The following RRM2 variants were observed in gnomAD, a reference collection of about 807,000 sequenced individuals.
The protein encoded by RRM2 is ribonucleoside-diphosphate reductase subunit M2.
Under a neutral mutation model 45.9 loss-of-function variants are expected in RRM2, and 6 were observed. The ratio of observed to expected loss-of-function variants is 0.13; its 90% CI spans 0.07 to 0.26. RRM2 has a LOEUF of 0.26. Ranked by LOEUF, RRM2 falls within the 10% of genes least tolerant of loss-of-function variation. RRM2 has a pLI of 1.00. For missense variants in RRM2, 343 were observed against 489.5 expected (o/e 0.70, Z 2.82); for synonymous variants, 177 against 173.0 (o/e 1.02, Z -0.18).
intron 3 of RRM2, among the ~76,000 whole-genome samples, chr2:10,175,361 T>C (rs1663894179): frequency 6.6e-6 from 1 of 152,228 alleles, no homozygotes; most frequent in Non-Finnish European, 1.5e-5. Context: ...TCCCCTATTT[T>C]AAAAATTGTG....
chr2:10,155,353 TTCTC>T (rs1663401761), intron 3 of RRM2: 1 of 172,330 alleles, frequency 5.8e-6, no homozygotes. Context: ...CCTCTGGGTT[TTCTC>T]TCTATGCCCT....
intron 3 of RRM2, 93 bp from the exon 4 acceptor site, chr2:10,123,643 G>A (rs1204181079): frequency 7.0e-7 from 1 of 1,430,930 alleles, no homozygotes; most frequent in East Asian, 2.3e-5. Flanking sequence ...ATAGTAAGTG[G>A]TGCCAGCATA....
intron 3 of RRM2, among the ~76,000 whole-genome samples, chr2:10,162,343 T>A (rs975336173): frequency 1.3e-5 from 2 of 152,146 alleles, no homozygotes; most frequent in Non-Finnish European, 2.9e-5. Flanking sequence ...TCTCGATGTG[T>A]GTGGGCGTGT....
At position 10,129,344 on chromosome 2, in the gene RRM2, A is replaced by C. The variant is rs1453185920; in HGVS notation, c.1128A>C (p.Ser376=). The C allele has an allele frequency of 6.2e-7, 1 of 1,614,012 alleles. No homozygotes were observed. Among genetic ancestry groups the C allele is most frequent in the South Asian group, 1.1e-5 (1 of 90,986 alleles). Residue 376 remains serine, a synonymous_variant, in exon 10 of 10, where the codon TCA becomes TCC. Coordinates refer to ENST00000304567, the MANE Select transcript of RRM2 (RefSeq NM_001034.4). The surrounding 1 kb of genome is among the most constrained non-coding windows in gnomAD (Gnocchi z 4.8). ...AGTATCAGAGGATGGGAGTGATGTC[A>C]AGTCCAACAGAGAATTCTTTTACCT... ...VGEYQRMGVM[S]SPTENSFTLD... is the part of the protein sequence containing the mutation.
Position 10,166,034 on chromosome 2 carries a change from G to A in RRM2, n.482+23659G>A, listed in dbSNP as rs549315988. ...CCCGGAGGGGAGCACAGCAGCTGCT[G>A]GTGACAGCTTGCTGGGTCGTCACAG... On this transcript the variant is annotated intron_variant and non_coding_transcript_variant, in intron 3 of 3. Coordinates refer to the RRM2 transcript ENST00000381786. Among the ~76,000 whole-genome samples, 8 of 152,330 alleles carry A rather than the reference G, an allele frequency of 5.3e-5. No homozygotes were observed. In the South Asian group the frequency reaches 1.0e-3, roughly 20 times the overall value.
At position 10,123,026 on chromosome 2, in the gene RRM2, C is replaced by T. The variant is rs928055151; in HGVS notation, c.143C>T (p.Ala48Val). 6.4e-7 allele frequency: 1 copy of T among 1,566,936 alleles called. No individual in the cohort carries two copies. Among genetic ancestry groups the T allele is most frequent in the Non-Finnish European group, 8.6e-7 (1 of 1,163,522 alleles). Residue 48 changes from alanine (A) to valine (V), a missense_variant, in exon 2 of 10, where the codon GCG becomes GTG. Transcript: ENST00000304567. ...SGTRVLASKT[A>V]RRIFQEPTEP... The stretch of plus-strand genomic sequence containing the variant: ...ACCCGCGTCCTGGCCAGCAAGACCG[C>T]GAGGAGGATCTTCCAGGAGCCCACG...
intron 3 of RRM2, among the ~76,000 whole-genome samples, chr2:10,202,425 A>G (rs180979089): frequency 2.0e-5 from 3 of 152,254 alleles, no homozygotes; most frequent in Non-Finnish European, 4.4e-5. Flanking sequence ...AAGCGGCTCA[A>G]CAGTCAAAGA....
intron 3 of RRM2, among the ~76,000 whole-genome samples, chr2:10,209,204 T>G (rs1291990031): frequency 1.3e-5 from 2 of 151,966 alleles, no homozygotes; most frequent in Admixed American, 6.6e-5. Flanking sequence ...ATTATAGACA[T>G]GCACCACCAC....
downstream of RRM2, among the ~76,000 whole-genome samples, chr2:10,131,936 G>A (rs1032003098): frequency 2.6e-5 from 4 of 152,132 alleles, no homozygotes; most frequent in Admixed American, 1.3e-4. Context: ...CAACCGTGGG[G>A]GAGCCACTCC....
In RRM2 at chr2:10,195,425, C is replaced by T. The variant is rs780593162; in HGVS notation, n.483-14886C>T. 2.6e-5 allele frequency among the ~76,000 whole-genome samples: 4 copies of T among 152,048 alleles called. No homozygotes were observed. Among genetic ancestry groups the T allele is most frequent in the African/African-American group, 7.2e-5 (3 of 41,394 alleles). On this transcript the variant is annotated intron_variant and non_coding_transcript_variant, in intron 3 of 3. Coordinates refer to the RRM2 transcript ENST00000381786. The surrounding 1 kb of genome is among the most constrained non-coding windows in gnomAD (Gnocchi z 4.9). ...GCCCTGGGGAGCACCGAGTCCCCGC[C>T]GTGATGGGTCCCTGAAGCACCGGAG... is the stretch of plus-strand genomic sequence containing the variant.
intron 3 of RRM2, among the ~76,000 whole-genome samples, chr2:10,202,157 T>C (rs1340307296): frequency 6.6e-6 from 1 of 152,226 alleles, no homozygotes; most frequent in African/African-American, 2.4e-5. Context: ...GAACTGCCTC[T>C]AAAATCAGCC....
At chr2:10,199,763 G>A (rs1664499361) in intron 3 of RRM2, among the ~76,000 whole-genome samples, 1 of 109,986 alleles carries the variant, frequency 9.1e-6, no homozygotes, top group Non-Finnish European at 1.6e-5. Context: ...CTGGGTGACA[G>A]AGTGAGACTC....
exon 2 of RRM2, chr2:10,141,883 A>G (rs199748552): frequency 1.9e-6 from 3 of 1,569,748 alleles, no homozygotes; most frequent in Non-Finnish European, 2.6e-6. Context: ...TGCAAAGCAG[A>G]TGGAGTCCAG....
intron 5 of RRM2, among the ~76,000 whole-genome samples, chr2:10,126,195 T>G (rs1572488172): frequency 1.8e-4 from 2 of 11,422 alleles, no homozygotes; most frequent in Non-Finnish European, 2.0e-4. Context: ...AAAAAAAAGC[T>G]GCCCAATGTC....
chr2:10,150,469 G>A (rs1025748034), intron 3 of RRM2, among the ~76,000 whole-genome samples: 6 of 149,724 alleles, frequency 4.0e-5, no homozygotes, highest in African/African-American at 9.8e-5. Flanking sequence ...AAAAGATGGC[G>A]TTTGCATCCT....
chr2:10,196,707 G>A (rs1259178853), intron 3 of RRM2, among the ~76,000 whole-genome samples: 6 of 152,356 alleles, frequency 3.9e-5, no homozygotes, highest in Admixed American at 3.9e-4. Flanking sequence ...GGCAGTGACC[G>A]CACAGGGCGA....
At chr2:10,157,141 G>A (rs1663447100) in intron 3 of RRM2, among the ~76,000 whole-genome samples, 1 of 145,360 alleles carries the variant, frequency 6.9e-6, no homozygotes, top group South Asian at 2.2e-4. Flanking sequence ...CCATTCTCCT[G>A]CCTCGGCCTC....
chr2:10,157,060 C>T (rs541513360), intron 3 of RRM2, among the ~76,000 whole-genome samples: 7 of 115,242 alleles, frequency 6.1e-5, no homozygotes, highest in Non-Finnish European at 9.7e-5. Context: ...CTCGCTCTGT[C>T]GCCCAGGCCG....
rs116313346 is a variant in RRM2 at position 10,166,162 on chromosome 2, A to T, written n.482+23787A>T. Among the ~76,000 whole-genome samples, 755 of 152,310 alleles carry T rather than the reference A, an allele frequency of 5.0e-3. 3 individuals are homozygous for T. Among genetic ancestry groups the T allele is most frequent in the Non-Finnish European group, 7.8e-3 (532 of 68,028 alleles). Reference sequence around the variant, plus strand: ...ATGCCTTTCCAATAAAGCCTTGAAGACGACAGGCCCCATTTCCTGAGCAGA... The same window carrying T: ...ATGCCTTTCCAATAAAGCCTTGAAGTCGACAGGCCCCATTTCCTGAGCAGA... On this transcript the variant is annotated intron_variant and non_coding_transcript_variant, in intron 3 of 3. Coordinates refer to the RRM2 transcript ENST00000381786.
Sources: gnomAD v4.1 joint callset for allele counts (sites outside exome capture counted in the v4.1 genomes callset) on GRCh38, gnomAD v4.1.1 for gene constraint, Gnocchi (gnomAD v3.1) non-coding constraint, MANE v1.5 for transcripts, NCBI Gene and HGNC (gene_info 2026-07-23, HGNC 2026-07-21) for gene names.